Variants in RIMS1 observed in about 807,000 individuals in gnomAD.
The protein encoded by RIMS1 is regulating synaptic membrane exocytosis protein 1.
Under a neutral mutation model 214.1 loss-of-function variants are expected in RIMS1, and 83 were observed. The ratio of observed to expected loss-of-function variants is 0.39; its 90% CI spans 0.32 to 0.47. The LOEUF (loss-of-function observed/expected upper bound fraction) is 0.47, where lower values mean the gene tolerates loss of function less well. Ranked by LOEUF, RIMS1 falls within the 20% of genes least tolerant of loss-of-function variation. The probability of loss-of-function intolerance (pLI) is 0.99; values close to 1 mark genes in which losing one functional copy is unlikely to be tolerated. For synonymous variants in RIMS1, 793 were observed against 786.8 expected, an observed-to-expected ratio of 1.01 and a Z score of -0.13; for missense variants, 2,050 against 2,161.8, an observed-to-expected ratio of 0.95 and a Z score of 1.03.
intron 1 of RIMS1, among the ~76,000 whole-genome samples, chr6:71,950,642 T>C (rs1789178153): frequency 6.6e-6 from 1 of 152,146 alleles, no homozygotes; most frequent in Non-Finnish European, 1.5e-5. Context: ...ATTTTGGAAG[T>C]TTCTTCTCTA....
At chr6:72,164,036 C>T (rs962931371) in intron 4 of RIMS1, among the ~76,000 whole-genome samples, 4 of 152,322 alleles carry the variant, frequency 2.6e-5, no homozygotes, top group Middle Eastern at 6.8e-3. Flanking sequence ...TGGTGGGCTC[C>T]ACCCAGTTCG....
At chr6:72,261,630 A>G (rs16882228) in intron 19 of RIMS1, 88,860 of 984,834 alleles carry the variant, frequency 0.09, 4,183 homozygotes, top group Middle Eastern at 0.11. Flanking sequence ...TATTTTAGCC[A>G]ATAAAAAGCA....
chr6:72,012,993 T>A (rs868192004), intron 2 of RIMS1, among the ~76,000 whole-genome samples: 1 of 152,252 alleles, frequency 6.6e-6, no homozygotes, highest in South Asian at 2.1e-4. Flanking sequence ...GTGTTTAAAT[T>A]ATGCCTGTCT....
chr6:71,979,912 AT>A (rs1798084111), intron 2 of RIMS1, among the ~76,000 whole-genome samples: 2 of 152,140 alleles, frequency 1.3e-5, no homozygotes. Flanking sequence ...ATGGGTGATA[AT>A]TTTATAAGTC....
chr6:72,274,771 T>G (rs2085300058), intron 23 of RIMS1, among the ~76,000 whole-genome samples: 2 of 152,150 alleles, frequency 1.3e-5, no homozygotes, highest in Admixed American at 1.3e-4. Flanking sequence ...TAGAGTATAT[T>G]AAAATCTGTC....
chr6:71,900,383 CTTTAT>C (rs1391647426), intron 1 of RIMS1, among the ~76,000 whole-genome samples: 1 of 152,032 alleles, frequency 6.6e-6, no homozygotes, highest in Non-Finnish European at 1.5e-5. Context: ...AGAGTTTTTT[CTTTAT>C]TTTAAGAGCC....
chr6:72,322,470 T>A (rs536382203), intron 28 of RIMS1, among the ~76,000 whole-genome samples: 1 of 152,132 alleles, frequency 6.6e-6, no homozygotes, highest in Non-Finnish European at 1.5e-5. Flanking sequence ...TCTACCCTTA[T>A]TCAAAAATAA....
intron 27 of RIMS1, 29 bp from the exon 28 acceptor site, chr6:72,313,477 G>A (rs1367031950): frequency 2.5e-6 from 4 of 1,601,502 alleles, no homozygotes; most frequent in African/African-American, 1.3e-5. Context: ...TAATGATGGA[G>A]CTCACACTTT....
At position 72,250,014 on chromosome 6, in the gene RIMS1, A is replaced by G. The variant is rs539419062; in HGVS notation, c.2242-316A>G. On this transcript the variant is annotated intron_variant, in intron 12 of 33. Transcript: ENST00000521978. The stretch of plus-strand genomic sequence containing the variant: ...CTTATTTTTAACATTTAAGAACAAT[A>G]ATAATGATTTTATGTCTCCCTCTTC... Among the ~76,000 whole-genome samples, 118 of 152,282 alleles carry G rather than the reference A, an allele frequency of 7.7e-4. 1 individual carries two copies. Among genetic ancestry groups the G allele is most frequent in the Non-Finnish European group, 2.8e-4 (19 of 68,016 alleles).
At chr6:72,275,822 A>G (rs1336537526) in intron 23 of RIMS1, among the ~76,000 whole-genome samples, 2 of 152,180 alleles carry the variant, frequency 1.3e-5, no homozygotes, top group Non-Finnish European at 2.9e-5. Context: ...TTGTACCCCT[A>G]CTATGCACCC....
chr6:72,269,914 C>T (rs1224446156), intron 22 of RIMS1, among the ~76,000 whole-genome samples: 1 of 152,108 alleles, frequency 6.6e-6, no homozygotes, highest in Admixed American at 6.5e-5. Flanking sequence ...TTGTAAAACC[C>T]TTCTTAACCT....
At chr6:72,357,470 T>A (rs1188862705) in intron 29 of RIMS1, among the ~76,000 whole-genome samples, 2 of 152,212 alleles carry the variant, frequency 1.3e-5, no homozygotes, top group African/African-American at 4.8e-5. Context: ...TCTGTATTTA[T>A]GTTTACTTGT....
At chr6:72,091,008 C>A (rs1293946866) in intron 2 of RIMS1, among the ~76,000 whole-genome samples, 2 of 152,132 alleles carry the variant, frequency 1.3e-5, no homozygotes, top group African/African-American at 2.4e-5. Flanking sequence ...GAAGGGAACG[C>A]GTGATGGCAC....
chr6:71,944,583 G>T (rs1787209707), intron 1 of RIMS1, among the ~76,000 whole-genome samples: 1 of 152,184 alleles, frequency 6.6e-6, no homozygotes, highest in African/African-American at 2.4e-5. Context: ...CCATCCTGGT[G>T]TGAGGCAGAA....
chr6:72,110,653 G>C (rs1323058525), intron 4 of RIMS1, among the ~76,000 whole-genome samples: 69 of 148,338 alleles, frequency 4.7e-4, no homozygotes, highest in South Asian at 2.2e-3. Context: ...TGCAAACAGG[G>C]ACAATTTGAC....
At chr6:71,979,016 G>T (rs1356879233) in intron 2 of RIMS1, among the ~76,000 whole-genome samples, 2 of 151,956 alleles carry the variant, frequency 1.3e-5, no homozygotes, top group South Asian at 4.2e-4. Flanking sequence ...TGATTTGCTG[G>T]CTTATGCAAA....
intron 2 of RIMS1, among the ~76,000 whole-genome samples, chr6:71,984,773 ATATCTATCTATCTATCTATC>A (rs70994108): frequency 4.8e-5 from 7 of 146,742 alleles, no homozygotes; most frequent in Admixed American, 1.4e-4. Context: ...ATGTATGTAC[ATATCTATCTATCTATCTATC>A]TATCTATCTA....
intron 4 of RIMS1, among the ~76,000 whole-genome samples, chr6:72,159,486 T>C (rs1213244751): frequency 2.8e-5 from 4 of 141,034 alleles, no homozygotes; most frequent in African/African-American, 4.9e-5. Context: ...CTGAATGGTA[T>C]TGCCTACGTT....
chr6:72,169,883 C>T (rs899750141), intron 4 of RIMS1, among the ~76,000 whole-genome samples: 2 of 152,166 alleles, frequency 1.3e-5, no homozygotes, highest in African/African-American at 4.8e-5. Flanking sequence ...TGCACTCCAG[C>T]CTAGGTGACA....
Sources: gnomAD v4.1 joint callset for allele counts (sites outside exome capture counted in the v4.1 genomes callset) on GRCh38, gnomAD v4.1.1 for gene constraint, MANE v1.5 for transcripts, NCBI Gene and HGNC (gene_info 2026-07-23, HGNC 2026-07-21) for gene names.